Variants in FBLN2 observed in about 807,000 individuals in gnomAD.
The protein encoded by FBLN2 is fibulin-2.
FBLN2 carries 81 observed loss-of-function variants against 123.7 expected under a neutral mutation model. That is an observed-to-expected ratio of 0.65 (90% confidence interval 0.55 to 0.79). The LOEUF (loss-of-function observed/expected upper bound fraction) is 0.79. FBLN2 is among the 30% of genes least tolerant of loss of function. The pLI, the probability that FBLN2 is intolerant of heterozygous loss-of-function variation, is 0.00. For synonymous variants in FBLN2, 699 were observed against 701.4 expected, an observed-to-expected ratio of 1.00 and a Z score of 0.05; for missense variants, 1,603 against 1,681.3, an observed-to-expected ratio of 0.95 and a Z score of 0.81.
intron 16 of FBLN2, among the ~76,000 whole-genome samples, chr3:13,634,340 G>A (rs994589638): frequency 2.0e-5 from 3 of 152,242 alleles, no homozygotes; most frequent in African/African-American, 7.2e-5. Context: ...TGGCAGCGCC[G>A]ATGGGCGAGG....
Position 13,551,844 on chromosome 3 carries a change from C to CTT in FBLN2, c.-42+2652_-42+2653dup, listed in dbSNP as rs34105173. 5.6e-3 allele frequency among the ~76,000 whole-genome samples: 745 copies of CTT among 133,090 alleles called. 9 individuals carry two copies. The highest frequency in any genetic ancestry group is 0.016 in the African/African-American group (559 of 35,264). The allele number at this position is 133,090 out of a possible 152,430, so 87.3% of individuals were successfully genotyped here. A position where few individuals can be genotyped will look rare whatever the true frequency, so the allele number is the denominator to read the frequency against. On this transcript the variant is annotated intron_variant, in intron 1 of 17. Transcript: ENST00000404922. Reference sequence around the variant, plus strand: ...TGTGAGCCACCGTGCCCGGCCCCTCCTTTTTTTTTTTTTTTTTAAAGACAG... The same window carrying CTT: ...TGTGAGCCACCGTGCCCGGCCCCTCCTTTTTTTTTTTTTTTTTTTAAAGACAG...
intron 16 of FBLN2, among the ~76,000 whole-genome samples, chr3:13,632,344 G>A (rs1309816896): frequency 1.3e-5 from 2 of 152,244 alleles, no homozygotes; most frequent in African/African-American, 4.8e-5. Context: ...CACACATGGA[G>A]CTGAGAACCT....
At chr3:13,583,421 G>A (rs1244309710) in intron 2 of FBLN2, among the ~76,000 whole-genome samples, 1 of 152,202 alleles carries the variant, frequency 6.6e-6, no homozygotes. Context: ...CCCTGACTTG[G>A]CCCCCTGCAC....
chr3:13,627,681 G>A, intron 10 of FBLN2, 151 bp from the exon 11 acceptor site: 1 of 987,036 alleles, frequency 1.0e-6, no homozygotes, highest in Non-Finnish European at 1.4e-6. Context: ...CAAAGGCCAT[G>A]CCGGCAACAA....
intron 1 of FBLN2, among the ~76,000 whole-genome samples, chr3:13,563,860 C>T (rs762859133): frequency 8.5e-5 from 13 of 152,092 alleles, no homozygotes; most frequent in African/African-American, 2.9e-4. Flanking sequence ...GACCCTGGGG[C>T]GGGGTGGTTG....
chr3:13,620,506 G>A (rs564499804), intron 8 of FBLN2, among the ~76,000 whole-genome samples: 11 of 152,294 alleles, frequency 7.2e-5, no homozygotes, highest in South Asian at 2.1e-4. Flanking sequence ...TTCCACCCCC[G>A]TGGCCCCGCC....
At position 13,629,892 on chromosome 3, in the gene FBLN2, G is replaced by T. The variant is rs200076998; in HGVS notation, c.2915G>T (p.Arg972Leu). ...TGTGAGAACACACTCGGCTCCTACC[G>T]CTGTTCCTGCGCCTCCGGGTTCCTG... ...HTCENTLGSY[R>L]CSCASGFLLA... Residue 972 changes from arginine (R) to leucine (L), a missense_variant, in exon 14 of 18, where the codon CGC (arginine) becomes CTC (leucine). Coordinates refer to ENST00000404922, the MANE Select transcript of FBLN2 (RefSeq NM_001004019.2). The T allele has an allele frequency of 3.7e-6, 6 of 1,604,750 alleles. No individual in the cohort carries two copies. The highest frequency in any genetic ancestry group is 5.1e-6 in the Non-Finnish European group (6 of 1,176,540).
At chr3:13,613,558 A>AG (rs1475816558) in intron 4 of FBLN2, among the ~76,000 whole-genome samples, 2 of 152,294 alleles carry the variant, frequency 1.3e-5, no homozygotes, top group Non-Finnish European at 2.9e-5. Flanking sequence ...TCCAAGAAGG[A>AG]GAAAGAGGGG....
chr3:13,561,623 AG>A (rs1703609115), intron 1 of FBLN2, among the ~76,000 whole-genome samples: 1 of 152,204 alleles, frequency 6.6e-6, no homozygotes, highest in Non-Finnish European at 1.5e-5. Context: ...ATCAGCAAGT[AG>A]GTTGCCTCCT....
In FBLN2 at chr3:13,626,569, CGAGTGCGAA is replaced by C; in HGVS notation, c.2423_2431del (p.Glu808_Glu810del). On this transcript the variant is annotated inframe_deletion and splice_region_variant, in exon 10 of 18. Transcript: ENST00000404922. The stretch of plus-strand genomic sequence containing the variant: ...AGCCAGGCTATGCCCTCAAGGATGG[CGAGTGCGAA>C]GGTGAGAAGGGCCCAGAAGGACCAA... 1 of 1,548,006 alleles carries C rather than the reference CGAGTGCGAA, an allele frequency of 6.5e-7. No individual in the cohort carries two copies. Among genetic ancestry groups the C allele is most frequent in the Non-Finnish European group, 8.7e-7 (1 of 1,144,722 alleles).
chr3:13,626,676 CT>C, intron 10 of FBLN2, 97 bp downstream of exon 10: 1 of 1,315,532 alleles, frequency 7.6e-7, no homozygotes, highest in Non-Finnish European at 1.0e-6. Flanking sequence ...CCTGGCCACC[CT>C]TAGGCCTGGC....
intron 1 of FBLN2, among the ~76,000 whole-genome samples, chr3:13,565,835 G>A (rs547474416): frequency 8.5e-5 from 13 of 152,324 alleles, no homozygotes; most frequent in Non-Finnish European, 1.9e-4. Flanking sequence ...CACACTGGGC[G>A]TCAGAAGCAC....
At position 13,570,417 on chromosome 3, in the gene FBLN2, GC is replaced by G. The variant is rs1703894869; in HGVS notation, c.66del (p.Ser23AlafsTer103). 3 of 1,575,494 alleles carry G rather than the reference GC, an allele frequency of 1.9e-6. No homozygotes were observed. The East Asian group carries it at 7.0e-5, about 37-fold the overall frequency. On this transcript the variant is annotated frameshift_variant, in exon 2 of 18. Transcript: ENST00000404922. LOFTEE classifies it high-confidence loss of function. ...GCTCTGGGCCTGGCCCTGGCCCTGG[GC>G]CCCAGCGTGGCCGCAGCTGCCCCTC... Reference protein sequence around the residue: ...WLALGLALALGPSVAAAAPRQ... With the variant: ...WLALGLALALXPSVAAAAPRQ...
At chr3:13,558,299 C>G (rs1328186321) in intron 1 of FBLN2, among the ~76,000 whole-genome samples, 1 of 152,084 alleles carries the variant, frequency 6.6e-6, no homozygotes, top group Admixed American at 6.5e-5. Context: ...CTCTTTCTGT[C>G]TCACTAATGG....
At chr3:13,561,986 C>T (rs974067196) in intron 1 of FBLN2, among the ~76,000 whole-genome samples, 5 of 152,214 alleles carry the variant, frequency 3.3e-5, no homozygotes, top group African/African-American at 1.2e-4. Context: ...CCTGGAAACT[C>T]ACAGTCCAGT....
At position 13,587,162 on chromosome 3, in the gene FBLN2, T is replaced by A. The variant is rs867498594; in HGVS notation, c.1306+15501T>A. Among the ~76,000 whole-genome samples the A allele has an allele frequency of 5.9e-3, 820 of 139,800 alleles. 5 individuals are homozygous for A. The highest frequency in any genetic ancestry group is 0.037 in the East Asian group (178 of 4,830). The allele number at this position is 139,800 out of a possible 152,430, so 91.7% of individuals were successfully genotyped here. A position where few individuals can be genotyped will look rare whatever the true frequency, so the allele number is the denominator to read the frequency against. On this transcript the variant is annotated intron_variant, in intron 2 of 17. Transcript: ENST00000404922. The stretch of plus-strand genomic sequence containing the variant: ...TCCGTCTCAAAAAAAAAAAAAAAAA[T>A]AAATAAATAATTAAAAAAATAATAA...
In FBLN2 at chr3:13,618,672, C is replaced by T. The variant is rs866920781; in HGVS notation, c.1940-232C>T. 3.3e-5 allele frequency among the ~76,000 whole-genome samples: 5 copies of T among 152,128 alleles called. No individual in the cohort carries two copies. In the South Asian group the frequency reaches 8.3e-4, roughly 25 times the overall value. On this transcript the variant is annotated intron_variant, in intron 6 of 17. Transcript: ENST00000404922. The stretch of plus-strand genomic sequence containing the variant: ...TCCAGACACTCTTTTTCCTTTCCCC[C>T]CTCTCTTCTTCCTTGCCTCCTTTCC...
chr3:13,558,925 A>T (rs1398579756), intron 1 of FBLN2, among the ~76,000 whole-genome samples: 1 of 151,958 alleles, frequency 6.6e-6, no homozygotes, highest in South Asian at 2.1e-4. Flanking sequence ...GAGAGAGGGC[A>T]TCGCAGGTTG....
At chr3:13,582,092 G>A (rs904387432) in intron 2 of FBLN2, among the ~76,000 whole-genome samples, 1 of 152,190 alleles carries the variant, frequency 6.6e-6, no homozygotes, top group African/African-American at 2.4e-5. Context: ...AAGAAAGCCT[G>A]CAGTGGACAC....
Sources: allele counts gnomAD v4.1 joint callset (sites outside exome capture counted in the v4.1 genomes callset), GRCh38; gene constraint gnomAD v4.1.1; transcripts MANE v1.5; gene names NCBI Gene and HGNC (gene_info 2026-07-23, HGNC 2026-07-21).